The following SNX31 variants were observed in gnomAD, a reference collection of about 807,000 sequenced individuals.
SNX31 encodes sorting nexin 31, also known as sorting nexin-31.
In SNX31, 58 loss-of-function variants were observed where a neutral mutation model predicts 65.4. That is an observed-to-expected ratio of 0.89 (90% confidence interval 0.72 to 1.10). The LOEUF (loss-of-function observed/expected upper bound fraction) is 1.10. Ranked by LOEUF, SNX31 falls within the 50% of genes least tolerant of loss-of-function variation. The pLI is 0.00. For synonymous variants in SNX31, 181 were observed against 190.1 expected, an observed-to-expected ratio of 0.95 and a Z score of 0.39; for missense variants, 523 against 529.7, an observed-to-expected ratio of 0.99 and a Z score of 0.12.
At chr8:100,616,335 G>A (rs1471183257) in intron 5 of SNX31, among the ~76,000 whole-genome samples, 2 of 152,110 alleles carry the variant, frequency 1.3e-5, no homozygotes, top group Non-Finnish European at 1.5e-5. Flanking sequence ...TGATGTCTTT[G>A]GGGAAGGCAG....
chr8:100,585,039 C>G (rs1208784277), intron 11 of SNX31, among the ~76,000 whole-genome samples: 1 of 151,990 alleles, frequency 6.6e-6, no homozygotes, highest in Non-Finnish European at 1.5e-5. Context: ...TCTTATTTTT[C>G]TAGTATCTTT....
chr8:100,622,519 CA>C lies in SNX31; in HGVS notation c.322-4790del, dbSNP rs1190049068. On this transcript the variant is annotated intron_variant, in intron 4 of 13. Coordinates refer to ENST00000311812, the MANE Select transcript of SNX31 (RefSeq NM_152628.4). This position sits in a 1 kb window ranked among gnomAD's most constrained non-coding sequence, Gnocchi z 5.0. ...TACAGAAATTAGCTGGGCGTGGTGG[CA>C]CATGCCTGTAATCTCAGCTACTTGG... Among the ~76,000 whole-genome samples the C allele has an allele frequency of 1.3e-5, 2 of 152,000 alleles. No homozygotes were observed. The highest frequency in any genetic ancestry group is 2.9e-5 in the Non-Finnish European group (2 of 68,004).
chr8:100,654,844 C>G (rs1010133914), intron 1 of SNX31, among the ~76,000 whole-genome samples: 3 of 152,168 alleles, frequency 2.0e-5, no homozygotes, highest in African/African-American at 7.2e-5. Flanking sequence ...GAGATACTGT[C>G]TCTGCTAAAA....
chr8:100,618,584 C>T (rs1330506031), intron 4 of SNX31: 5 of 541,400 alleles, frequency 9.2e-6, no homozygotes, highest in Non-Finnish European at 1.6e-5. Context: ...AATATGGGGC[C>T]CAAGTTACCC....
intron 8 of SNX31, among the ~76,000 whole-genome samples, chr8:100,605,242 G>GGAAT (rs572945946): frequency 6.6e-6 from 1 of 152,102 alleles, no homozygotes; most frequent in Non-Finnish European, 1.5e-5. Context: ...GGACACAGGA[G>GGAAT]GAATGAGACA....
chr8:100,585,569 A>G (rs796760483), intron 11 of SNX31, among the ~76,000 whole-genome samples: 2 of 152,258 alleles, frequency 1.3e-5, no homozygotes, highest in African/African-American at 2.4e-5. Flanking sequence ...TTAAAAGGGG[A>G]AAAGAGGGAA....
At position 100,575,024 on chromosome 8, in the gene SNX31, T is replaced by G. The variant is rs1486284592; in HGVS notation, c.1228-1064A>C. On this transcript the variant is annotated intron_variant, in intron 13 of 13. Transcript: ENST00000311812. This position sits in a 1 kb window ranked among gnomAD's most constrained non-coding sequence, Gnocchi z 5.1. ...TAAAGAGTAATTTGCCTTCAGTACT[T>G]ATGAAATCTCAAAGACACGGTTATG... Among the ~76,000 whole-genome samples, 1 of 152,144 alleles carries G rather than the reference T, an allele frequency of 6.6e-6. No individual in the cohort carries two copies. Among genetic ancestry groups the G allele is most frequent in the Non-Finnish European group, 1.5e-5 (1 of 68,030 alleles).
At chr8:100,618,250 A>AAGTAAACAACTGAGTATCTAT in intron 4 of SNX31, 1 of 1,457,808 alleles carries the variant, frequency 6.9e-7, no homozygotes, top group Non-Finnish European at 9.2e-7. Context: ...AAGAACTTCC[A>AAGTAAACAACTGAGTATCTAT]AGTAAACAAC....
Position 100,576,938 on chromosome 8 carries a change from G to T in SNX31, c.1227+81C>A. Reference sequence around the variant, plus strand: ...ATAATTCTGACTTATTATTGAAAGTGAGATGACTTTGGTTAAAGAGGAAAA... The same window carrying T: ...ATAATTCTGACTTATTATTGAAAGTTAGATGACTTTGGTTAAAGAGGAAAA... On this transcript the variant is annotated intron_variant, in intron 13 of 13. Coordinates refer to ENST00000311812, the MANE Select transcript of SNX31 (RefSeq NM_152628.4). This position sits in a 1 kb window ranked among gnomAD's most constrained non-coding sequence, Gnocchi z 4.8. 1 of 1,134,124 alleles carries T rather than the reference G, an allele frequency of 8.8e-7. No individual in the cohort carries two copies. Among genetic ancestry groups the T allele is most frequent in the South Asian group, 1.4e-5 (1 of 71,128 alleles). 70.3% of individuals were successfully genotyped at this position (1,134,124 alleles called of 1,614,324 possible).
At chr8:100,597,532 T>C (rs1479031176) in intron 9 of SNX31, among the ~76,000 whole-genome samples, 1 of 152,244 alleles carries the variant, frequency 6.6e-6, no homozygotes, top group Non-Finnish European at 1.5e-5. Flanking sequence ...CGTGAGCCAC[T>C]GTGCCTGGCC....
chr8:100,657,459 AAAAAAAG>A (rs1199319783), intron 1 of SNX31, among the ~76,000 whole-genome samples: 2 of 151,638 alleles, frequency 1.3e-5, no homozygotes, highest in South Asian at 2.1e-4. Flanking sequence ...ACTCAAAAAA[AAAAAAAG>A]AAAAAAGAAA....
At chr8:100,596,987 A>G (rs1784154881) in intron 9 of SNX31, 145 bp from the exon 10 acceptor site, 2 of 688,752 alleles carry the variant, frequency 2.9e-6, no homozygotes, top group South Asian at 1.8e-5. Context: ...CCTTTTCTTG[A>G]TCCTACACAT....
rs1280344407 is a variant in SNX31, at chr8:100,660,822, C to G, written c.-58+2320G>C. Among the ~76,000 whole-genome samples the G allele has an allele frequency of 2.6e-5, 4 of 152,180 alleles. No homozygotes were observed. The highest frequency in any genetic ancestry group is 5.9e-5 in the Non-Finnish European group (4 of 68,036). On this transcript the variant is annotated intron_variant, in intron 1 of 5. Transcript: ENST00000520352. This position sits in a 1 kb window ranked among gnomAD's most constrained non-coding sequence, Gnocchi z 4.1. ...AATCTGAATAATATTTGTAAAAGGG[C>G]TGCTTTGAGAGGTTCTACTCAGTAT...
intron 2 of SNX31, among the ~76,000 whole-genome samples, chr8:100,645,373 A>G (rs1438738310): frequency 6.6e-6 from 1 of 152,202 alleles, no homozygotes; most frequent in Non-Finnish European, 1.5e-5. Context: ...CCTCCACTGA[A>G]TAGGAGAAAT....
rs186068588 is a variant in SNX31, at chr8:100,656,502, G to A, written c.-58+6640C>T. Among the ~76,000 whole-genome samples the A allele has an allele frequency of 3.2e-3, 493 of 151,830 alleles. 2 individuals carry two copies. Among genetic ancestry groups the A allele is most frequent in the African/African-American group, 0.011 (459 of 41,368 alleles). ...CTAAAAATACAAAAATTAGCCAGGCGTGGTTGTGGGTGCCTGTAATCCCAG... is the reference window on the plus strand; with the variant it reads ...CTAAAAATACAAAAATTAGCCAGGCATGGTTGTGGGTGCCTGTAATCCCAG... On this transcript the variant is annotated intron_variant, in intron 1 of 5. Coordinates refer to the SNX31 transcript ENST00000520352.
intron 1 of SNX31, among the ~76,000 whole-genome samples, chr8:100,656,935 C>T (rs190517714): frequency 7.2e-4 from 109 of 152,114 alleles, no homozygotes; most frequent in Admixed American, 3.8e-3. Flanking sequence ...AGTCTGGCAG[C>T]GAGAAGTATG....
rs560607258 is a variant in SNX31 at position 100,612,834 on chromosome 8, C to T, written c.523+161G>A. Among the ~76,000 whole-genome samples the T allele has an allele frequency of 1.5e-4, 23 of 152,260 alleles. 1 individual carries two copies. Among genetic ancestry groups the T allele is most frequent in the South Asian group, 4.1e-4 (2 of 4,822 alleles). ...TGCCCCCACTCTCCCCTAACAAGGA[C>T]GCAACCTCCTATTCCCTAAACCCTT... On this transcript the variant is annotated intron_variant, in intron 6 of 13. Transcript: ENST00000311812. This position sits in a 1 kb window ranked among gnomAD's most constrained non-coding sequence, Gnocchi z 4.3.
At chr8:100,631,596 C>T (rs1434581871) in intron 3 of SNX31, among the ~76,000 whole-genome samples, 1 of 152,122 alleles carries the variant, frequency 6.6e-6, no homozygotes, top group East Asian at 1.9e-4. Context: ...CGCCACCACA[C>T]CCGGCCTGTT....
chr8:100,642,022 T>A (rs933908896), intron 2 of SNX31, among the ~76,000 whole-genome samples: 1 of 152,104 alleles, frequency 6.6e-6, no homozygotes, highest in Non-Finnish European at 1.5e-5. Context: ...GAGCTTGCAG[T>A]GAGCCGAGAT....
Sources: allele counts gnomAD v4.1 joint callset (sites outside exome capture counted in the v4.1 genomes callset), GRCh38; gene constraint gnomAD v4.1.1; non-coding constraint Gnocchi (gnomAD v3.1); transcripts MANE v1.5; gene names NCBI Gene and HGNC (gene_info 2026-07-23, HGNC 2026-07-21).